PDE4D: variants seen among roughly 807,000 people sequenced by gnomAD.
PDE4D encodes the protein phosphodiesterase 4D.
Under a neutral mutation model 87.4 loss-of-function variants are expected in PDE4D, and 24 were observed. That is an observed-to-expected ratio of 0.27 (90% confidence interval 0.20 to 0.39). The LOEUF (loss-of-function observed/expected upper bound fraction) is 0.39. PDE4D is among the 10% of genes least tolerant of loss of function. The pLI is 1.00. For missense variants in PDE4D, 714 were observed against 1,041.0 expected, an observed-to-expected ratio of 0.69 and a Z score of 4.32; for synonymous variants, 384 against 383.2, an observed-to-expected ratio of 1.00 and a Z score of -0.02.
At chr5:60,242,790 T>C (rs972449496) in intron 1 of PDE4D, among the ~76,000 whole-genome samples, 1 of 151,886 alleles carries the variant, frequency 6.6e-6, no homozygotes, top group African/African-American at 2.4e-5. Context: ...CAAATGATAA[T>C]GGAAACACAA....
intron 1 of PDE4D, among the ~76,000 whole-genome samples, chr5:60,256,102 TA>T (rs1749019188): frequency 6.6e-6 from 1 of 151,940 alleles, no homozygotes; most frequent in Non-Finnish European, 1.5e-5. Context: ...GTATCTTTAC[TA>T]AGCCTTATAT....
intron 1 of PDE4D, among the ~76,000 whole-genome samples, chr5:60,463,671 G>C (rs1026878507): frequency 6.6e-6 from 1 of 152,210 alleles, no homozygotes; most frequent in African/African-American, 2.4e-5. Context: ...CCAGCATGCA[G>C]TCATGCCCTC....
chr5:59,465,876 T>C (rs1432003731), intron 1 of PDE4D, among the ~76,000 whole-genome samples: 1 of 152,234 alleles, frequency 6.6e-6, no homozygotes, highest in Admixed American at 6.5e-5. Context: ...ATTCCTTTTT[T>C]ACAGATGGAG....
chr5:60,058,643 T>C (rs539363670), intron 2 of PDE4D, among the ~76,000 whole-genome samples: 61 of 152,104 alleles, frequency 4.0e-4, no homozygotes, highest in African/African-American at 1.5e-3. Context: ...TTTTATGGGA[T>C]GGAACTGAGA....
chr5:60,451,489 G>A (rs993395712), intron 1 of PDE4D, among the ~76,000 whole-genome samples: 19 of 152,056 alleles, frequency 1.2e-4, no homozygotes, highest in African/African-American at 4.6e-4. Context: ...AATAGCAGAG[G>A]CCCAAGTTAT....
intron 1 of PDE4D, among the ~76,000 whole-genome samples, chr5:59,655,779 G>A (rs1329121589): frequency 6.6e-6 from 1 of 152,080 alleles, no homozygotes; most frequent in Non-Finnish European, 1.5e-5. Flanking sequence ...CCACCTTAGA[G>A]CATTTAAGTT....
chr5:59,157,120 T>A (rs144745224), intron 5 of PDE4D: 1 of 424,582 alleles, frequency 2.4e-6, no homozygotes, highest in Non-Finnish European at 4.2e-6. Flanking sequence ...TGAAAATTAA[T>A]GACATTAATA....
chr5:59,784,894 C>CCCCTTTTTCATGGTTTTT (rs1225911159), intron 1 of PDE4D, among the ~76,000 whole-genome samples: 4 of 151,838 alleles, frequency 2.6e-5, no homozygotes, highest in African/African-American at 9.7e-5. Flanking sequence ...TAAGGGGAAA[C>CCCCTTTTTCATGGTTTTT]CCCTTTTTCA....
intron 1 of PDE4D, among the ~76,000 whole-genome samples, chr5:59,775,226 A>C (rs1395071344): frequency 6.6e-6 from 1 of 152,148 alleles, no homozygotes; most frequent in African/African-American, 2.4e-5. Flanking sequence ...ACATATTATA[A>C]TACCCTATAT....
At chr5:59,871,958 C>T (rs1385153066) in intron 1 of PDE4D, among the ~76,000 whole-genome samples, 2 of 152,068 alleles carry the variant, frequency 1.3e-5, no homozygotes, top group African/African-American at 2.4e-5. Context: ...TCTACTGCCA[C>T]TCATGAGCTC....
At chr5:59,606,678 A>G (rs1828251508) in intron 1 of PDE4D, among the ~76,000 whole-genome samples, 1 of 152,122 alleles carries the variant, frequency 6.6e-6, no homozygotes, top group Non-Finnish European at 1.5e-5. Context: ...ATGGAGTAAT[A>G]AAGAACATAA....
intron 3 of PDE4D, among the ~76,000 whole-genome samples, chr5:59,900,848 C>G (rs1333672278): frequency 6.6e-6 from 1 of 152,046 alleles, no homozygotes; most frequent in Non-Finnish European, 1.5e-5. Context: ...GCCCAACTAC[C>G]AAAGGCTAAA....
At chr5:60,355,609 T>A (rs1759554130) in intron 1 of PDE4D, among the ~76,000 whole-genome samples, 1 of 152,150 alleles carries the variant, frequency 6.6e-6, no homozygotes, top group African/African-American at 2.4e-5. Context: ...TGAGTATAAC[T>A]TTTGACTCCC....
At chr5:59,382,371 C>T (rs111949912) in intron 1 of PDE4D, among the ~76,000 whole-genome samples, 350 of 152,110 alleles carry the variant, frequency 2.3e-3, no homozygotes, top group African/African-American at 8.2e-3. Context: ...AAAGTGATAC[C>T]ATACCTCTAT....
intron 5 of PDE4D, among the ~76,000 whole-genome samples, chr5:59,079,448 G>T (rs915726934): frequency 9.9e-5 from 15 of 151,974 alleles, no homozygotes; most frequent in Non-Finnish European, 1.6e-4. Context: ...GTGCATTTTT[G>T]AAAACATAAC....
chr5:59,028,972 T>G (rs1756752391), intron 6 of PDE4D, among the ~76,000 whole-genome samples: 1 of 152,176 alleles, frequency 6.6e-6, no homozygotes, highest in Non-Finnish European at 1.5e-5. Context: ...AAACCTATGA[T>G]TTCATGTATA....
chr5:60,454,470 T>TA (rs1196249573), intron 1 of PDE4D, among the ~76,000 whole-genome samples: 3 of 152,018 alleles, frequency 2.0e-5, no homozygotes, highest in African/African-American at 7.3e-5. Context: ...TATGCAGCCA[T>TA]AAAAAGGAAT....
Position 59,252,963 on chromosome 5 carries a change from G to A in PDE4D, c.456-36995C>T, listed in dbSNP as rs186486755. On this transcript the variant is annotated intron_variant, in intron 1 of 14. Transcript: ENST00000340635. ...TACCCTTGCTCCCCAGCATAACAACGTGCACACACAGTCGTAGCCCAGCCA... is the reference window on the plus strand; with the variant it reads ...TACCCTTGCTCCCCAGCATAACAACATGCACACACAGTCGTAGCCCAGCCA... Among the ~76,000 whole-genome samples the A allele has an allele frequency of 5.2e-3, 786 of 152,164 alleles. 9 individuals are homozygous for A. The highest frequency in any genetic ancestry group is 0.018 in the African/African-American group (741 of 41,500).
At chr5:59,196,513 A>C (rs1353827742) in intron 2 of PDE4D, among the ~76,000 whole-genome samples, 1 of 152,198 alleles carries the variant, frequency 6.6e-6, no homozygotes, top group Non-Finnish European at 1.5e-5. Context: ...AATTTCTCTT[A>C]TGTACTTATT....
Sources: allele counts gnomAD v4.1 joint callset (sites outside exome capture counted in the v4.1 genomes callset), GRCh38; gene constraint gnomAD v4.1.1; transcripts MANE v1.5; gene names NCBI Gene and HGNC (gene_info 2026-07-23, HGNC 2026-07-21).